The following ARHGEF38 variants were observed in gnomAD, a reference collection of about 807,000 sequenced individuals.
ARHGEF38 encodes the protein Rho guanine nucleotide exchange factor (GEF) 38.
A neutral mutation model predicts 79.9 loss-of-function variants in ARHGEF38; 79 were observed. That is an observed-to-expected ratio of 0.99 (90% CI 0.82 to 1.19). The LOEUF (loss-of-function observed/expected upper bound fraction) is 1.19. ARHGEF38 is among the 50% of genes most tolerant of loss of function. The probability of loss-of-function intolerance (pLI) is 0.00; values close to 1 mark genes in which losing one functional copy is unlikely to be tolerated. For missense variants in ARHGEF38, 962 were observed against 907.2 expected, an observed-to-expected ratio of 1.06 and a Z score of -0.78; for synonymous variants, 366 against 328.3, an observed-to-expected ratio of 1.11 and a Z score of -1.24.
intron 3 of ARHGEF38, among the ~76,000 whole-genome samples, chr4:105,622,859 A>G (rs941664305): frequency 2.0e-5 from 3 of 152,114 alleles, no homozygotes; most frequent in Non-Finnish European, 4.4e-5. Context: ...TTTTGCACAC[A>G]TGTTATTTCA....
intron 3 of ARHGEF38, among the ~76,000 whole-genome samples, chr4:105,630,102 C>T (rs2110515991): frequency 6.6e-6 from 1 of 152,210 alleles, no homozygotes; most frequent in South Asian, 2.1e-4. Context: ...ACAAATACCA[C>T]CTCTTTTACT....
At chr4:105,654,275 G>C (rs1351975584) in intron 8 of ARHGEF38, 106 bp downstream of exon 8, 2 of 623,016 alleles carry the variant, frequency 3.2e-6, no homozygotes, top group Admixed American at 3.4e-5. Flanking sequence ...CTTCCTTTAT[G>C]TTATGACACC....
intron 2 of ARHGEF38, among the ~76,000 whole-genome samples, chr4:105,607,485 C>A (rs779729752): frequency 2.0e-5 from 3 of 151,976 alleles, no homozygotes; most frequent in Non-Finnish European, 4.4e-5. Flanking sequence ...TCCCCAGAAC[C>A]GTGTTAGACA....
At chr4:105,606,619 T>C (rs1728052163) in intron 2 of ARHGEF38, among the ~76,000 whole-genome samples, 1 of 152,094 alleles carries the variant, frequency 6.6e-6, no homozygotes, top group Non-Finnish European at 1.5e-5. Context: ...ATTATAATAA[T>C]GAAAAGCGTG....
chr4:105,650,869 A>G (rs895192404), intron 7 of ARHGEF38, among the ~76,000 whole-genome samples: 5 of 152,216 alleles, frequency 3.3e-5, no homozygotes, highest in African/African-American at 9.7e-5. Flanking sequence ...AGTTGGGGAC[A>G]TTTATGGGAT....
downstream of ARHGEF38, among the ~76,000 whole-genome samples, chr4:105,681,666 T>C (rs1731314694): frequency 1.3e-5 from 2 of 152,170 alleles, no homozygotes; most frequent in South Asian, 4.1e-4. Flanking sequence ...ATGCCTAGTG[T>C]TCCATTATTG....
chr4:105,603,300 A>G (rs1337524364), intron 2 of ARHGEF38, among the ~76,000 whole-genome samples: 2 of 152,132 alleles, frequency 1.3e-5, no homozygotes, highest in African/African-American at 2.4e-5. Flanking sequence ...CAAAGAGGTT[A>G]AGTAACTTAT....
chr4:105,658,702 C>A (rs1730438250), intron 9 of ARHGEF38, among the ~76,000 whole-genome samples: 1 of 152,028 alleles, frequency 6.6e-6, no homozygotes. Context: ...AGTGCTGGCT[C>A]TGGGATGAGA....
chr4:105,595,054 G>A (rs1417022255), intron 2 of ARHGEF38, among the ~76,000 whole-genome samples: 1 of 152,142 alleles, frequency 6.6e-6, no homozygotes. Flanking sequence ...AGGAATTTGA[G>A]TACTGTACTT....
intron 10 of ARHGEF38, among the ~76,000 whole-genome samples, chr4:105,660,966 C>G (rs912518752): frequency 1.3e-5 from 2 of 152,150 alleles, no homozygotes; most frequent in African/African-American, 2.4e-5. Flanking sequence ...CCTAAAGGAA[C>G]CCTGTACCCA....
intron 1 of ARHGEF38, among the ~76,000 whole-genome samples, chr4:105,575,544 G>A (rs2110430644): frequency 6.6e-6 from 1 of 152,162 alleles, no homozygotes; most frequent in Non-Finnish European, 1.5e-5. Flanking sequence ...TGTAGATTCT[G>A]GATATTAGTC....
chr4:105,624,318 G>T (rs1308925985), intron 3 of ARHGEF38, among the ~76,000 whole-genome samples: 1 of 152,180 alleles, frequency 6.6e-6, no homozygotes, highest in Non-Finnish European at 1.5e-5. Context: ...TAGAGCCACA[G>T]GCGTGAAATA....
chr4:105,624,461 G>A (rs1440490366), intron 3 of ARHGEF38, among the ~76,000 whole-genome samples: 1 of 152,058 alleles, frequency 6.6e-6, no homozygotes, highest in Non-Finnish European at 1.5e-5. Flanking sequence ...TAATCCCATG[G>A]CTGCATGTCC....
chr4:105,585,554 T>C (rs1218916544), intron 1 of ARHGEF38, among the ~76,000 whole-genome samples: 3 of 152,180 alleles, frequency 2.0e-5, no homozygotes, highest in African/African-American at 7.2e-5. Context: ...TGAAGTCAAT[T>C]ACATGGTACT....
At chr4:105,566,236 A>C (rs1410429374) in intron 1 of ARHGEF38, among the ~76,000 whole-genome samples, 1 of 152,126 alleles carries the variant, frequency 6.6e-6, no homozygotes, top group East Asian at 1.9e-4. Context: ...TTTGCCACCA[A>C]GCCTTTAAAT....
At chr4:105,647,489 G>A (rs10034218) in intron 6 of ARHGEF38, among the ~76,000 whole-genome samples, 2,445 of 151,982 alleles carry the variant, frequency 0.016, 42 homozygotes, top group African/African-American at 0.044. Flanking sequence ...ATATATAGAT[G>A]TTCCTAATAC....
At chr4:105,612,670 C>T (rs1171589097) in intron 2 of ARHGEF38, among the ~76,000 whole-genome samples, 1 of 152,106 alleles carries the variant, frequency 6.6e-6, no homozygotes, top group South Asian at 2.1e-4. Context: ...AGTTGTCCAT[C>T]CCTCTACTAA....
intron 5 of ARHGEF38, among the ~76,000 whole-genome samples, 151 bp downstream of exon 5, chr4:105,636,571 G>T (rs1729405998): frequency 6.6e-6 from 1 of 151,878 alleles, no homozygotes; most frequent in African/African-American, 2.4e-5. Flanking sequence ...CCCCATTACT[G>T]GTGCATATTT....
intron 4 of ARHGEF38, among the ~76,000 whole-genome samples, chr4:105,636,037 A>G (rs971688260): frequency 6.6e-6 from 1 of 152,052 alleles, no homozygotes; most frequent in Non-Finnish European, 1.5e-5. Flanking sequence ...CACTTATTAA[A>G]TTTTTCCTCA....
Sources: gnomAD v4.1 joint callset for allele counts (sites outside exome capture counted in the v4.1 genomes callset) on GRCh38, gnomAD v4.1.1 for gene constraint, MANE v1.5 for transcripts, NCBI Gene and HGNC (gene_info 2026-07-23, HGNC 2026-07-21) for gene names.